The following PRKN variants were observed in gnomAD, a reference collection of about 807,000 sequenced individuals.
PRKN encodes E3 ubiquitin-protein ligase parkin.
A neutral mutation model predicts 59.5 loss-of-function variants in PRKN; 56 were observed. The ratio of observed to expected loss-of-function variants is 0.94; its 90% confidence interval spans 0.76 to 1.18. The LOEUF is 1.18. Among genes scored for constraint, PRKN ranks in the 50% most tolerant of loss-of-function variants. The pLI is 0.00. For missense variants in PRKN, 657 were observed against 596.4 expected, an observed-to-expected ratio of 1.10 and a Z score of -1.06; for synonymous variants, 250 against 222.1, an observed-to-expected ratio of 1.13 and a Z score of -1.12.
intron 9 of PRKN, among the ~76,000 whole-genome samples, chr6:161,508,098 C>T (rs532726737): frequency 6.6e-6 from 1 of 152,266 alleles, no homozygotes; most frequent in Non-Finnish European, 1.5e-5. Flanking sequence ...TTTTTAAGTG[C>T]CACAGAGGAC....
At chr6:161,601,281 G>A (rs1384080690) in intron 7 of PRKN, among the ~76,000 whole-genome samples, 1 of 152,172 alleles carries the variant, frequency 6.6e-6, no homozygotes, top group African/African-American at 2.4e-5. Flanking sequence ...GGTGCTGGCA[G>A]ATTTGGTGTC....
intron 7 of PRKN, among the ~76,000 whole-genome samples, chr6:161,614,266 C>G (rs1421235875): frequency 1.3e-5 from 2 of 152,174 alleles, no homozygotes; most frequent in East Asian, 1.9e-4. Flanking sequence ...AACTAGAGGA[C>G]AGAATCTTGG....
At chr6:161,872,372 T>C (rs550375095) in intron 6 of PRKN, among the ~76,000 whole-genome samples, 1 of 152,310 alleles carries the variant, frequency 6.6e-6, no homozygotes, top group East Asian at 1.9e-4. Flanking sequence ...CAGCATTTAA[T>C]ACCTCTAGGG....
rs540152682 is a variant in PRKN at position 161,529,128 on chromosome 6, G to A, written c.1083+19726C>T. On this transcript the variant is annotated intron_variant, in intron 9 of 11. Transcript: ENST00000366898. This position sits in a 1 kb window ranked among gnomAD's most constrained non-coding sequence, Gnocchi z 4.4. ...GCCACAACCACAGACTCTACGCTGC[G>A]TTCCTCTCCCTAGTCACCGCATGCC... 2.0e-5 allele frequency among the ~76,000 whole-genome samples: 3 copies of A among 152,158 alleles called. No homozygotes were observed. The highest frequency in any genetic ancestry group is 6.5e-5 in the Admixed American group (1 of 15,274).
chr6:161,929,472 T>C (rs992027378), intron 6 of PRKN, among the ~76,000 whole-genome samples: 2 of 151,694 alleles, frequency 1.3e-5, no homozygotes, highest in Non-Finnish European at 1.5e-5. Flanking sequence ...TTAATGCTAC[T>C]GGATTGTTAA....
intron 4 of PRKN, among the ~76,000 whole-genome samples, chr6:162,145,104 G>T (rs1216140032): frequency 6.6e-6 from 1 of 152,078 alleles, no homozygotes. Context: ...TCACTTCAAC[G>T]CAATTTATTA....
intron 2 of PRKN, among the ~76,000 whole-genome samples, chr6:162,364,875 C>T (rs1251432060): frequency 6.6e-6 from 1 of 151,894 alleles, no homozygotes; most frequent in African/African-American, 2.4e-5. Context: ...AGAATACAAT[C>T]TAATACTTAT....
intron 1 of PRKN, among the ~76,000 whole-genome samples, chr6:162,500,633 T>C (rs548363315): frequency 3.3e-5 from 5 of 152,332 alleles, no homozygotes; most frequent in African/African-American, 1.2e-4. Flanking sequence ...GAGTCTCTTT[T>C]CTTACAATGG....
At chr6:162,181,752 T>G in intron 4 of PRKN, among the ~76,000 whole-genome samples, 1 of 152,152 alleles carries the variant, frequency 6.6e-6, no homozygotes, top group Non-Finnish European at 1.5e-5. Context: ...ATTTGATTAT[T>G]TATTCCATCA....
intron 6 of PRKN, among the ~76,000 whole-genome samples, chr6:161,794,496 T>C (rs1790760709): frequency 6.6e-6 from 1 of 152,152 alleles, no homozygotes; most frequent in South Asian, 2.1e-4. Context: ...AGCAACACTG[T>C]TCTAAAGAGG....
chr6:162,005,788 G>T (rs1335996199), intron 5 of PRKN, among the ~76,000 whole-genome samples: 1 of 152,080 alleles, frequency 6.6e-6, no homozygotes, highest in Admixed American at 6.6e-5. Flanking sequence ...GGGGAAAAAA[G>T]TTAACTTTAG....
chr6:162,045,886 C>G (rs576270050), intron 5 of PRKN, among the ~76,000 whole-genome samples: 37 of 152,324 alleles, frequency 2.4e-4, no homozygotes, highest in South Asian at 6.2e-4. Flanking sequence ...AGAGTGACCT[C>G]CCATCTCTAA....
rs1317896771 is a variant in PRKN, at chr6:161,377,544, G to A, written c.1167+9250C>T. Among the ~76,000 whole-genome samples the A allele has an allele frequency of 1.3e-5, 2 of 152,192 alleles. No homozygotes were observed. The highest frequency in any genetic ancestry group is 1.9e-4 in the East Asian group (1 of 5,180). On this transcript the variant is annotated intron_variant, in intron 10 of 11. Transcript: ENST00000366898. This position sits in a 1 kb window ranked among gnomAD's most constrained non-coding sequence, Gnocchi z 4.2. Reference sequence around the variant, plus strand: ...AATCCTCTTTAGGGTTGAAAGAGTGGTGAGGGGAGACCCTGTCAATAAGCA... The same window carrying A: ...AATCCTCTTTAGGGTTGAAAGAGTGATGAGGGGAGACCCTGTCAATAAGCA...
At chr6:161,723,875 C>T (rs79368133) in intron 7 of PRKN, among the ~76,000 whole-genome samples, 1 of 152,170 alleles carries the variant, frequency 6.6e-6, no homozygotes, top group Admixed American at 6.5e-5. Flanking sequence ...TCTGCCCTCA[C>T]GGCCTCAACA....
chr6:161,738,735 C>T (rs1041730729), intron 7 of PRKN, among the ~76,000 whole-genome samples: 9 of 152,158 alleles, frequency 5.9e-5, no homozygotes, highest in Non-Finnish European at 1.2e-4. Flanking sequence ...CTTAGACCTG[C>T]AGGTGGGGGT....
Position 162,365,827 on chromosome 6 carries a change from T to C in PRKN, c.171+77483A>G, listed in dbSNP as rs189731359. ...TTCATGTATTTCTTACTGTTTACTG[T>C]TTTCATGTAAGATTTTTCTCTGGTA... On this transcript the variant is annotated intron_variant, in intron 2 of 11. Transcript: ENST00000366898. Among the ~76,000 whole-genome samples the C allele has an allele frequency of 2.1e-3, 327 of 152,306 alleles. 2 individuals carry two copies. Among genetic ancestry groups the C allele is most frequent in the Admixed American group, 4.9e-3 (75 of 15,296 alleles).
At chr6:162,569,489 G>A in intron 1 of PRKN, 1 of 690,700 alleles carries the variant, frequency 1.4e-6, no homozygotes, top group Non-Finnish European at 2.7e-6. Flanking sequence ...CCTGGAGTCT[G>A]GGATGCAGAA....
intron 1 of PRKN, among the ~76,000 whole-genome samples, chr6:162,525,370 C>T (rs1011805937): frequency 6.6e-6 from 1 of 152,208 alleles, no homozygotes; most frequent in Non-Finnish European, 1.5e-5. Context: ...CACCCAACCT[C>T]CCCTGAGCCT....
At chr6:162,620,675 C>T (rs1336105699) in intron 1 of PRKN, among the ~76,000 whole-genome samples, 1 of 152,058 alleles carries the variant, frequency 6.6e-6, no homozygotes, top group East Asian at 1.9e-4. Context: ...CATCCTTTTA[C>T]TCATTTTTTT....
Sources: allele counts gnomAD v4.1 joint callset (sites outside exome capture counted in the v4.1 genomes callset), GRCh38; gene constraint gnomAD v4.1.1; non-coding constraint Gnocchi (gnomAD v3.1); transcripts MANE v1.5; gene names NCBI Gene and HGNC (gene_info 2026-07-23, HGNC 2026-07-21).